ARID1B: variants seen among roughly 807,000 people sequenced by gnomAD.
ARID1B encodes AT-rich interactive domain-containing protein 1B.
ARID1B carries 30 observed loss-of-function variants against 212.3 expected under a neutral mutation model. The observed-to-expected ratio is 0.14, with a 90% CI of 0.11 to 0.19. ARID1B has a LOEUF of 0.19. Among genes scored for constraint, ARID1B ranks in the 10% least tolerant of loss-of-function variants. ARID1B has a pLI of 1.00. For synonymous variants in ARID1B, 1,402 were observed against 1,301.7 expected (o/e 1.08, Z -1.66); for missense variants, 2,891 against 3,204.0 (o/e 0.90, Z 2.36).
At chr6:156,793,018 G>A (rs2115218788) in intron 1 of ARID1B, among the ~76,000 whole-genome samples, 1 of 152,278 alleles carries the variant, frequency 6.6e-6, no homozygotes, top group African/African-American at 2.4e-5. Flanking sequence ...GGGGGCTTTC[G>A]TGGACTGCAG....
intron 3 of ARID1B, among the ~76,000 whole-genome samples, chr6:156,931,669 A>T (rs1369802112): frequency 1.3e-5 from 2 of 152,086 alleles, no homozygotes; most frequent in African/African-American, 2.4e-5. Context: ...TATTAAAAAA[A>T]TAAATAAATT....
chr6:157,134,842 T>G (rs749711360), intron 7 of ARID1B, among the ~76,000 whole-genome samples: 2 of 152,228 alleles, frequency 1.3e-5, no homozygotes, highest in Admixed American at 6.5e-5. Context: ...GGAAGCAAGA[T>G]GCAGACCTTG....
In ARID1B at chr6:157,091,088, G is replaced by A. The variant is rs530940143; in HGVS notation, c.2491+6183G>A. Among the ~76,000 whole-genome samples the A allele has an allele frequency of 1.1e-4, 16 of 152,252 alleles. No individual in the cohort carries two copies. The South Asian group carries it at 1.9e-3, about 18-fold the overall frequency. On this transcript the variant is annotated intron_variant, in intron 5 of 19. Coordinates refer to ENST00000636930, the MANE Select transcript of ARID1B (RefSeq NM_001374828.1). ...CTTTGAAAAGGATCACAGGTGTGAC[G>A]AGCCTGAAGAAATCGCTTGGTCAGA...
chr6:157,037,254 T>C (rs1373864363), intron 4 of ARID1B, among the ~76,000 whole-genome samples: 1 of 152,210 alleles, frequency 6.6e-6, no homozygotes, highest in Non-Finnish European at 1.5e-5. Context: ...ATTGATTTAT[T>C]AAACGTCCCC....
chr6:156,890,380 A>G (rs563727879), intron 2 of ARID1B, among the ~76,000 whole-genome samples: 1 of 152,332 alleles, frequency 6.6e-6, no homozygotes, highest in South Asian at 2.1e-4. Flanking sequence ...ATTTGTCACG[A>G]AAAAGACTTG....
intron 2 of ARID1B, among the ~76,000 whole-genome samples, chr6:156,846,322 TA>T (rs1399266031): frequency 4.6e-5 from 4 of 87,802 alleles, no homozygotes; most frequent in African/African-American, 9.2e-5. Context: ...ACCTGGCTAA[TA>T]TTTTTTTTTT....
chr6:157,031,711 C>T (rs1341201071), intron 4 of ARID1B, among the ~76,000 whole-genome samples: 4 of 152,162 alleles, frequency 2.6e-5, no homozygotes, highest in Non-Finnish European at 4.4e-5. Flanking sequence ...GTCACCCCCT[C>T]CTCTTGTTAT....
intron 2 of ARID1B, among the ~76,000 whole-genome samples, chr6:156,857,374 A>C (rs1785023973): frequency 6.6e-6 from 1 of 152,208 alleles, no homozygotes; most frequent in Admixed American, 6.5e-5. Flanking sequence ...CTGAGGTGCC[A>C]GGCATACCCA....
intron 3 of ARID1B, among the ~76,000 whole-genome samples, chr6:156,913,598 A>G (rs1790087505): frequency 1.3e-5 from 2 of 152,082 alleles, no homozygotes; most frequent in Admixed American, 1.3e-4. Flanking sequence ...CTTCCCATCT[A>G]ACTGAAATTT....
intron 4 of ARID1B, among the ~76,000 whole-genome samples, chr6:157,026,519 C>T (rs1248510503): frequency 1.3e-5 from 2 of 152,136 alleles, no homozygotes; most frequent in South Asian, 2.1e-4. Flanking sequence ...GCGGCGCCTG[C>T]CTTCTTCTCG....
intron 3 of ARID1B, among the ~76,000 whole-genome samples, chr6:156,931,700 C>T (rs1323369319): frequency 1.3e-5 from 2 of 151,920 alleles, no homozygotes; most frequent in East Asian, 1.9e-4. Flanking sequence ...CGGTGGCTCA[C>T]GCCTGTAATC....
intron 4 of ARID1B, chr6:156,936,056 T>C: frequency 6.5e-6 from 1 of 153,116 alleles, no homozygotes; most frequent in Non-Finnish European, 1.5e-5. Flanking sequence ...TAGTTTGAAA[T>C]TTGAGGCCAG....
In ARID1B at chr6:156,914,803, C is replaced by G. The variant is rs117335421; in HGVS notation, c.2136+13278C>G. Among the ~76,000 whole-genome samples the G allele has an allele frequency of 7.9e-3, 1,210 of 152,338 alleles. 8 individuals are homozygous for G. Among genetic ancestry groups the G allele is most frequent in the Non-Finnish European group, 0.013 (897 of 68,040 alleles). On this transcript the variant is annotated intron_variant, in intron 3 of 19. Transcript: ENST00000636930. The stretch of plus-strand genomic sequence containing the variant: ...CCCTTTATCCACAAACCTGCCCTGT[C>G]TATATTTTCCCCCATCCCAACAATA...
chr6:156,854,885 T>C (rs1784812727), intron 2 of ARID1B, among the ~76,000 whole-genome samples: 1 of 152,242 alleles, frequency 6.6e-6, no homozygotes, highest in Non-Finnish European at 1.5e-5. Flanking sequence ...TAAGAATAAA[T>C]GAACAAAATG....
At position 157,083,902 on chromosome 6, in the gene ARID1B, G is replaced by A. The variant is rs188382176; in HGVS notation, c.2248-760G>A. Reference sequence around the variant, plus strand: ...TAATCCCAGCACTTTGGGAGGCTGCGGCAGGCAGATTGCCTGAGGTCAGGA... The same window carrying A: ...TAATCCCAGCACTTTGGGAGGCTGCAGCAGGCAGATTGCCTGAGGTCAGGA... On this transcript the variant is annotated intron_variant, in intron 4 of 19. Transcript: ENST00000636930. Among the ~76,000 whole-genome samples, 1,411 of 152,256 alleles carry A rather than the reference G, an allele frequency of 9.3e-3. 33 individuals are homozygous for A. The highest frequency in any genetic ancestry group is 0.057 in the Admixed American group (879 of 15,302).
intron 2 of ARID1B, among the ~76,000 whole-genome samples, chr6:156,876,764 T>G (rs1562452976): frequency 6.6e-6 from 1 of 152,218 alleles, no homozygotes; most frequent in Non-Finnish European, 1.5e-5. Flanking sequence ...CCTCAACCAG[T>G]GTATCTGCCA....
At chr6:156,977,242 A>C (rs974479958) in intron 4 of ARID1B, among the ~76,000 whole-genome samples, 1 of 149,278 alleles carries the variant, frequency 6.7e-6, no homozygotes, top group Non-Finnish European at 1.5e-5. Flanking sequence ...TTTGGAAAAA[A>C]TTCAAGTCAG....
At chr6:157,126,446 C>T (rs1215845864) in intron 6 of ARID1B, among the ~76,000 whole-genome samples, 1 of 151,656 alleles carries the variant, frequency 6.6e-6, no homozygotes, top group African/African-American at 2.4e-5. Flanking sequence ...TTTTTTTTTC[C>T]CCTAAAGGGC....
intron 2 of ARID1B, among the ~76,000 whole-genome samples, chr6:156,871,198 G>C (rs1477520323): frequency 6.6e-6 from 1 of 152,226 alleles, no homozygotes; most frequent in Non-Finnish European, 1.5e-5. Flanking sequence ...CAACAGGCCA[G>C]CCTGTGGTGT....
Sources: allele counts gnomAD v4.1 joint callset (sites outside exome capture counted in the v4.1 genomes callset), GRCh38; gene constraint gnomAD v4.1.1; transcripts MANE v1.5; gene names NCBI Gene and HGNC (gene_info 2026-07-23, HGNC 2026-07-21).